The following POU6F2 variants were observed in gnomAD, a reference collection of about 807,000 sequenced individuals.
POU6F2 encodes POU domain, class 6, transcription factor 2.
In POU6F2, 31 loss-of-function variants were observed where a neutral mutation model predicts 71.3. The observed-to-expected ratio is 0.43, with a 90% CI of 0.33 to 0.59. The LOEUF is 0.59. Ranked by LOEUF, POU6F2 falls within the 20% of genes least tolerant of loss-of-function variation. POU6F2 has a pLI of 0.04. For synonymous variants in POU6F2, 347 were observed against 355.7 expected (o/e 0.98, Z 0.27); for missense variants, 783 against 856.8 (o/e 0.91, Z 1.07).
At chr7:39,339,620 C>T (rs1259697385) in intron 4 of POU6F2, 22 bp from the exon 5 acceptor site, 2 of 1,563,592 alleles carry the variant, frequency 1.3e-6, no homozygotes, top group East Asian at 2.2e-5. Context: ...TCTCACTCCA[C>T]ATTCGCTTTC....
At chr7:39,166,287 A>T (rs1793114328) in intron 2 of POU6F2, among the ~76,000 whole-genome samples, 1 of 152,344 alleles carries the variant, frequency 6.6e-6, no homozygotes, top group Non-Finnish European at 1.5e-5. Context: ...ACAATTAAAA[A>T]TAACTTTGGA....
intron 1 of POU6F2, among the ~76,000 whole-genome samples, chr7:38,980,948 T>C (rs1475808816): frequency 6.6e-6 from 1 of 152,204 alleles, no homozygotes; most frequent in Non-Finnish European, 1.5e-5. Flanking sequence ...ATTGCTCATA[T>C]ATGCCTTTCC....
intron 2 of POU6F2, among the ~76,000 whole-genome samples, chr7:39,143,932 C>A (rs1056270042): frequency 4.6e-5 from 7 of 152,098 alleles, no homozygotes; most frequent in Non-Finnish European, 1.0e-4. Context: ...GAACTATGGA[C>A]AAGGGAGCAA....
intron 5 of POU6F2, among the ~76,000 whole-genome samples, chr7:39,356,009 C>T (rs1786248748): frequency 6.6e-6 from 1 of 152,100 alleles, no homozygotes; most frequent in African/African-American, 2.4e-5. Flanking sequence ...AAGTCAGGGG[C>T]TGTCGAGCTT....
chr7:39,338,968 C>T (rs889115820), intron 4 of POU6F2, among the ~76,000 whole-genome samples: 1 of 152,158 alleles, frequency 6.6e-6, no homozygotes, highest in East Asian at 1.9e-4. Flanking sequence ...GGTTCAGTCA[C>T]CTGCTATCAT....
At chr7:39,257,275 C>T (rs1784042757) in intron 4 of POU6F2, among the ~76,000 whole-genome samples, 2 of 152,184 alleles carry the variant, frequency 1.3e-5, no homozygotes, top group South Asian at 4.1e-4. Context: ...GAAATACATG[C>T]ACTTGGAGTT....
chr7:38,981,793 A>G (rs1331561174), intron 1 of POU6F2, among the ~76,000 whole-genome samples: 1 of 152,172 alleles, frequency 6.6e-6, no homozygotes. Flanking sequence ...AGTGTTGTAA[A>G]GTTGTACATC....
intron 2 of POU6F2, among the ~76,000 whole-genome samples, chr7:39,142,115 A>T (rs1315455898): frequency 1.3e-5 from 2 of 152,140 alleles, no homozygotes; most frequent in East Asian, 3.8e-4. Flanking sequence ...AAAAAAAACA[A>T]TATTGTCACA....
At chr7:39,417,867 T>G (rs1202168717) in intron 6 of POU6F2, among the ~76,000 whole-genome samples, 39 of 152,308 alleles carry the variant, frequency 2.6e-4, no homozygotes, top group Middle Eastern at 3.4e-3. Context: ...TCAGCTAAAG[T>G]TATCTCTTCC....
chr7:39,190,051 G>C (rs1000298540), intron 2 of POU6F2, among the ~76,000 whole-genome samples: 22 of 151,978 alleles, frequency 1.4e-4, no homozygotes, highest in Non-Finnish European at 1.8e-4. Context: ...GTGCCACCAT[G>C]CCTGACTAAT....
intron 2 of POU6F2, among the ~76,000 whole-genome samples, chr7:39,157,633 C>A (rs545518400): frequency 1.3e-5 from 2 of 152,226 alleles, no homozygotes; most frequent in East Asian, 1.9e-4. Context: ...GCAAATAAAA[C>A]CGTATTAAGG....
At chr7:39,384,483 C>G (rs1206391030) in intron 5 of POU6F2, among the ~76,000 whole-genome samples, 4 of 152,166 alleles carry the variant, frequency 2.6e-5, no homozygotes, top group African/African-American at 7.2e-5. Context: ...ATCTGCAGTT[C>G]TTTTGTGTTT....
At chr7:39,381,841 G>A (rs895363326) in intron 5 of POU6F2, among the ~76,000 whole-genome samples, 2 of 152,074 alleles carry the variant, frequency 1.3e-5, no homozygotes, top group African/African-American at 4.8e-5. Context: ...CCCAGTTTCT[G>A]TCTGTAGTAA....
intron 5 of POU6F2, among the ~76,000 whole-genome samples, chr7:39,375,602 C>T (rs1786695972): frequency 6.6e-6 from 1 of 151,664 alleles, no homozygotes; most frequent in South Asian, 2.1e-4. Flanking sequence ...ACTCGATGGC[C>T]AAGACCAATG....
At chr7:39,214,678 G>C (rs1794205740) in intron 4 of POU6F2, among the ~76,000 whole-genome samples, 1 of 152,194 alleles carries the variant, frequency 6.6e-6, no homozygotes. Context: ...ACTTGTAAAA[G>C]GTGCTCAAGT....
chr7:39,004,745 C>T (rs1789010265), intron 1 of POU6F2, among the ~76,000 whole-genome samples: 1 of 152,142 alleles, frequency 6.6e-6, no homozygotes, highest in Non-Finnish European at 1.5e-5. Context: ...GTTGTATTAA[C>T]AGTAATAAAA....
At chr7:39,455,733 C>CA (rs1287814641) in intron 8 of POU6F2, among the ~76,000 whole-genome samples, 1 of 151,032 alleles carries the variant, frequency 6.6e-6, no homozygotes, top group Admixed American at 6.6e-5. Context: ...AAAAAACAAA[C>CA]AAACAGCAAA....
intron 1 of POU6F2, among the ~76,000 whole-genome samples, chr7:39,032,636 A>G (rs1562678648): frequency 6.6e-6 from 1 of 152,218 alleles, no homozygotes; most frequent in Non-Finnish European, 1.5e-5. Context: ...ATAAGTAGAG[A>G]GAAATGCAGA....
chr7:39,268,500 C>T (rs1784288761), intron 4 of POU6F2, among the ~76,000 whole-genome samples: 1 of 152,024 alleles, frequency 6.6e-6, no homozygotes, highest in Non-Finnish European at 1.5e-5. Context: ...TGTTAAGTTG[C>T]TCAAGCAGAA....
Sources: gnomAD v4.1 joint callset for allele counts (sites outside exome capture counted in the v4.1 genomes callset) on GRCh38, gnomAD v4.1.1 for gene constraint, MANE v1.5 for transcripts, NCBI Gene and HGNC (gene_info 2026-07-23, HGNC 2026-07-21) for gene names.